The following FIRRM variants were observed in gnomAD, a reference collection of about 807,000 sequenced individuals.
The protein encoded by FIRRM is FIGNL1-interacting regulator of recombination and mitosis.
the FIRRM span, among the ~76,000 whole-genome samples, chr1:169,785,357 C>T: frequency 4.6e-5 from 7 of 152,324 alleles, no homozygotes; most frequent in South Asian, 1.2e-3. Context: ...GCAGCTTAAG[C>T]GTTAACCAGC....
the FIRRM span, among the ~76,000 whole-genome samples, chr1:169,846,334 G>A: frequency 6.6e-6 from 1 of 152,078 alleles, no homozygotes; most frequent in Non-Finnish European, 1.5e-5. Context: ...TTAATAGTAA[G>A]TGAACATTGG....
At chr1:169,850,980 C>A in the FIRRM span, 1 of 31,570 alleles carries the variant, frequency 3.2e-5, no homozygotes, top group African/African-American at 1.9e-4. Context: ...TTAGGCATGG[C>A]TTTTTTTTTT....
At chr1:169,811,739 GACAGATTATCTAAATAGATAA>G in the FIRRM span, among the ~76,000 whole-genome samples, 1 of 149,976 alleles carries the variant, frequency 6.7e-6, no homozygotes, top group East Asian at 1.9e-4. Context: ...ATAGATAATA[GACAGATTATCTAAATAGATAA>G]TAGACAGATT....
chr1:169,829,515 A>AT, the FIRRM span: 2 of 1,410,066 alleles, frequency 1.4e-6, no homozygotes, highest in Non-Finnish European at 1.9e-6. Flanking sequence ...TGAAATTGTG[A>AT]TTCATATACA....
chr1:169,817,677 A>G, the FIRRM span, among the ~76,000 whole-genome samples: 2 of 152,226 alleles, frequency 1.3e-5, no homozygotes, highest in African/African-American at 4.8e-5. Flanking sequence ...AGACAAATCT[A>G]TCTAATTTTA....
At chr1:169,799,640 C>T in the FIRRM span, among the ~76,000 whole-genome samples, 1 of 152,180 alleles carries the variant, frequency 6.6e-6, no homozygotes, top group African/African-American at 2.4e-5. Context: ...CAACCTCCAC[C>T]TTCCAGGTTC....
the FIRRM span, among the ~76,000 whole-genome samples, chr1:169,801,710 T>C: frequency 6.6e-6 from 1 of 152,074 alleles, no homozygotes; most frequent in Non-Finnish European, 1.5e-5. Flanking sequence ...ATGGTATATG[T>C]TTTCTCTGAA....
chr1:169,830,574 G>C, the FIRRM span: 2 of 956,216 alleles, frequency 2.1e-6, no homozygotes, highest in Non-Finnish European at 3.2e-6. Context: ...ATATTATTTG[G>C]TCATGGAAAT....
chr1:169,836,283 C>T, the FIRRM span, among the ~76,000 whole-genome samples: 6 of 152,108 alleles, frequency 3.9e-5, no homozygotes, highest in Non-Finnish European at 7.4e-5. Context: ...TTTTGTTTTC[C>T]ATTTTTATCT....
chr1:169,784,362 C>T, the FIRRM span, among the ~76,000 whole-genome samples: 3 of 152,284 alleles, frequency 2.0e-5, no homozygotes, highest in South Asian at 6.2e-4. Flanking sequence ...TAAAAGTTCA[C>T]AAGTATTGTG....
the FIRRM span, chr1:169,793,414 C>T: frequency 1.2e-6 from 2 of 1,614,128 alleles, no homozygotes; most frequent in South Asian, 2.2e-5. Flanking sequence ...TCAAGGAGGG[C>T]TGTTTTCCAT....
chr1:169,789,759 G>C, the FIRRM span, among the ~76,000 whole-genome samples: 1 of 152,146 alleles, frequency 6.6e-6, no homozygotes, highest in Non-Finnish European at 1.5e-5. Flanking sequence ...GGTTTCTTCA[G>C]GTTCTGAACT....
chr1:169,800,967 CA>C, the FIRRM span: 1 of 1,541,132 alleles, frequency 6.5e-7, no homozygotes, highest in Non-Finnish European at 8.9e-7. Flanking sequence ...CAAGTGTTAC[CA>C]AAGGTATAAT....
At chr1:169,825,507 C>G in the FIRRM span, among the ~76,000 whole-genome samples, 1 of 152,076 alleles carries the variant, frequency 6.6e-6, no homozygotes, top group Non-Finnish European at 1.5e-5. Flanking sequence ...TACATAGGCA[C>G]TTAGTAAACA....
the FIRRM span, among the ~76,000 whole-genome samples, chr1:169,784,231 G>A: frequency 1.3e-5 from 2 of 152,172 alleles, no homozygotes; most frequent in African/African-American, 4.8e-5. Flanking sequence ...GAGGTCAAAT[G>A]TAGGGTGCAG....
chr1:169,802,823 G>A, the FIRRM span: 1 of 665,692 alleles, frequency 1.5e-6, no homozygotes, highest in Non-Finnish European at 2.6e-6. Context: ...TTATGTAATG[G>A]CCTAATGTTG....
At chr1:169,798,959 G>T in the FIRRM span, 2 of 1,261,506 alleles carry the variant, frequency 1.6e-6, no homozygotes, top group Non-Finnish European at 2.2e-6. Context: ...GAGCATATTC[G>T]TAAGTAAAAT....
chr1:169,793,221 T>G, the FIRRM span: 2 of 1,614,186 alleles, frequency 1.2e-6, no homozygotes, highest in South Asian at 2.2e-5. Context: ...TAAACACCTG[T>G]AATCAGATCA....
At chr1:169,784,043 C>A in the FIRRM span, 1 of 153,278 alleles carries the variant, frequency 6.5e-6, no homozygotes, top group Non-Finnish European at 1.5e-5. Context: ...TCCAAGGTCC[C>A]CCAAAATGCT....
Sources: allele counts gnomAD v4.1 joint callset (sites outside exome capture counted in the v4.1 genomes callset), GRCh38; gene constraint gnomAD v4.1.1; transcripts MANE v1.5; gene names NCBI Gene and HGNC (gene_info 2026-07-23, HGNC 2026-07-21).